Variants in GRM5 observed in about 807,000 individuals in gnomAD.
GRM5 encodes the protein metabotropic glutamate receptor 5.
A neutral mutation model predicts 83.1 loss-of-function variants in GRM5; 19 were observed. That is an observed-to-expected ratio of 0.23 (90% CI 0.16 to 0.34). The LOEUF is 0.34. Ranked by LOEUF, GRM5 falls within the 10% of genes least tolerant of loss-of-function variation. The probability of loss-of-function intolerance (pLI) is 1.00; values close to 1 mark genes in which losing one functional copy is unlikely to be tolerated. For synonymous variants in GRM5, 675 were observed against 633.6 expected, an observed-to-expected ratio of 1.07 and a Z score of -0.98; for missense variants, 1,160 against 1,588.3, an observed-to-expected ratio of 0.73 and a Z score of 4.58.
rs537462185 is a variant in GRM5, at chr11:88,772,852, A to T, written c.911+77054T>A. 2.0e-3 allele frequency among the ~76,000 whole-genome samples: 309 copies of T among 152,246 alleles called. 1 individual carries two copies. The highest frequency in any genetic ancestry group is 6.4e-3 in the African/African-American group (264 of 41,546). Reference sequence around the variant, plus strand: ...ATTTTCTTAATCCAGTCTATCATTGATGGACATTTGGGTTGGTTCCAAGTC... The same window carrying T: ...ATTTTCTTAATCCAGTCTATCATTGTTGGACATTTGGGTTGGTTCCAAGTC... On this transcript the variant is annotated intron_variant, in intron 3 of 9. Transcript: ENST00000305447.
At chr11:88,656,291 G>C (rs1351652890) in intron 3 of GRM5, among the ~76,000 whole-genome samples, 1 of 152,030 alleles carries the variant, frequency 6.6e-6, no homozygotes. Context: ...CTTCTCACTG[G>C]TGGGCATTTT....
chr11:89,030,020 T>C (rs1941225289), intron 2 of GRM5, among the ~76,000 whole-genome samples: 2 of 152,168 alleles, frequency 1.3e-5, no homozygotes, highest in African/African-American at 4.8e-5. Flanking sequence ...ACATTGTCTC[T>C]CTTTAAGAAC....
intron 2 of GRM5, among the ~76,000 whole-genome samples, chr11:88,866,609 T>G (rs1944670454): frequency 6.6e-6 from 1 of 151,962 alleles, no homozygotes; most frequent in Non-Finnish European, 1.5e-5. Flanking sequence ...TGATTTTGGA[T>G]GTTTACCATG....
intron 2 of GRM5, among the ~76,000 whole-genome samples, chr11:88,870,573 A>C (rs185255627): frequency 2.4e-3 from 358 of 151,750 alleles, no homozygotes; most frequent in Non-Finnish European, 4.2e-3. Context: ...CATAAAAAGA[A>C]AGAATTAAGA....
chr11:88,815,892 T>C (rs1226081723), intron 3 of GRM5, among the ~76,000 whole-genome samples: 1 of 152,044 alleles, frequency 6.6e-6, no homozygotes, highest in Non-Finnish European at 1.5e-5. Flanking sequence ...ACGTCACAAA[T>C]CAGAGGCTTC....
At position 89,041,143 on chromosome 11, in the gene GRM5, A is replaced by G. The variant is rs1378596978; in HGVS notation, c.661+6069T>C. On this transcript the variant is annotated intron_variant, in intron 2 of 9. Transcript: ENST00000305447. Reference sequence around the variant, plus strand: ...GAAAACATGCATGTGTGCAGCTGCCATCCATAAGATGGGTAAATACTGAAT... The same window carrying G: ...GAAAACATGCATGTGTGCAGCTGCCGTCCATAAGATGGGTAAATACTGAAT... 7.9e-5 allele frequency among the ~76,000 whole-genome samples: 12 copies of G among 152,332 alleles called. No individual in the cohort carries two copies. In the East Asian group the frequency reaches 2.1e-3, roughly 27 times the overall value.
At chr11:88,526,004 G>A (rs1252175251) in intron 8 of GRM5, among the ~76,000 whole-genome samples, 1 of 152,172 alleles carries the variant, frequency 6.6e-6, no homozygotes, top group African/African-American at 2.4e-5. Context: ...AAGTTTTTAA[G>A]CTAATTATTA....
At chr11:88,991,351 G>T (rs375564670) in intron 2 of GRM5, among the ~76,000 whole-genome samples, 1 of 151,756 alleles carries the variant, frequency 6.6e-6, no homozygotes, top group South Asian at 2.1e-4. Flanking sequence ...CACTGCTCAA[G>T]GAAATAAAAG....
At chr11:88,929,554 G>T (rs1937642209) in intron 2 of GRM5, among the ~76,000 whole-genome samples, 2 of 152,072 alleles carry the variant, frequency 1.3e-5, no homozygotes, top group Non-Finnish European at 2.9e-5. Context: ...CTAACGAAAA[G>T]TCCGGCAACA....
chr11:88,923,104 G>C (rs1945722689), intron 2 of GRM5, among the ~76,000 whole-genome samples: 1 of 151,944 alleles, frequency 6.6e-6, no homozygotes, highest in African/African-American at 2.4e-5. Context: ...TAAAAGACTG[G>C]GAATATAAAT....
intron 3 of GRM5, among the ~76,000 whole-genome samples, chr11:88,669,226 T>G (rs886108375): frequency 6.6e-6 from 1 of 152,138 alleles, no homozygotes. Flanking sequence ...TCAGCTTAAT[T>G]TACCACATTA....
chr11:88,954,889 G>A (rs543955883), intron 2 of GRM5, among the ~76,000 whole-genome samples: 4 of 152,156 alleles, frequency 2.6e-5, no homozygotes, highest in Non-Finnish European at 5.9e-5. Flanking sequence ...ATGTAGAAAG[G>A]CTTCAATGGC....
intron 4 of GRM5, among the ~76,000 whole-genome samples, chr11:88,626,234 A>G (rs560529005): frequency 2.6e-5 from 4 of 152,348 alleles, no homozygotes; most frequent in South Asian, 4.1e-4. Flanking sequence ...TTACATAGCT[A>G]TAGTATAGAT....
In GRM5 at chr11:88,849,929, C is replaced by T. The variant is rs778245409; in HGVS notation, c.888G>A (p.Ala296=). ...LLMAMRRLGL[A]GEFLLLGSDG... ...ACCTGCCCAGAAGCAGAAATTCTCC[C>T]GCTAGACCCAGGCGCCTCATGGCCA... The change falls in exon 3 of 10, where the codon GCG becomes GCA. Residue 296 remains alanine, a synonymous_variant. Transcript: ENST00000305447. 15 of 1,613,918 alleles carry T rather than the reference C, an allele frequency of 9.3e-6. No homozygotes were observed. Among genetic ancestry groups the T allele is most frequent in the East Asian group, 2.2e-5 (1 of 44,882 alleles).
chr11:89,064,854 TTCTCTCTCTCTCTC>T (rs144985912), intron 1 of GRM5, among the ~76,000 whole-genome samples: 32 of 46,094 alleles, frequency 6.9e-4, no homozygotes, highest in African/African-American at 2.5e-3. Context: ...ATTTTTCATA[TTCTCTCTCTCTCTC>T]TCTCTCTCTC....
intron 2 of GRM5, among the ~76,000 whole-genome samples, chr11:88,958,603 A>G (rs1006529050): frequency 1.3e-5 from 2 of 152,128 alleles, no homozygotes; most frequent in Non-Finnish European, 2.9e-5. Flanking sequence ...TATTAGATAA[A>G]TCAGTATTTG....
intron 2 of GRM5, chr11:88,925,743 C>A (rs1305699080): frequency 1.3e-4 from 58 of 453,738 alleles, no homozygotes; most frequent in Non-Finnish European, 2.3e-4. Flanking sequence ...AAAACCACAA[C>A]TCTACTAAAA....
At chr11:89,064,926 G>GAA (rs1942069009) in intron 1 of GRM5, among the ~76,000 whole-genome samples, 1 of 72,854 alleles carries the variant, frequency 1.4e-5, no homozygotes, top group Non-Finnish European at 3.1e-5. Context: ...GAGAGAGAGA[G>GAA]AGAGAGAGAG....
chr11:88,657,687 T>C (rs1326134467), intron 3 of GRM5, among the ~76,000 whole-genome samples: 2 of 152,176 alleles, frequency 1.3e-5, no homozygotes, highest in Non-Finnish European at 2.9e-5. Flanking sequence ...TTTTTCTTTC[T>C]TTTCAACAGA....
Sources: allele counts gnomAD v4.1 joint callset (sites outside exome capture counted in the v4.1 genomes callset), GRCh38; gene constraint gnomAD v4.1.1; transcripts MANE v1.5; gene names NCBI Gene and HGNC (gene_info 2026-07-23, HGNC 2026-07-21).